C5orf63: variants seen among roughly 807,000 people sequenced by gnomAD.
C5orf63 encodes glutaredoxin-like protein C5orf63.
Under a neutral mutation model 13.3 loss-of-function variants are expected in C5orf63, and 18 were observed. That is an observed-to-expected ratio of 1.36 (90% CI 0.94 to 2.01). C5orf63 has a LOEUF of 2.01. C5orf63 is among the 30% of genes most tolerant of loss of function. The pLI, the probability that C5orf63 is intolerant of heterozygous loss-of-function variation, is 0.00. For synonymous variants in C5orf63, 38 were observed against 44.7 expected (o/e 0.85, Z 0.60); for missense variants, 118 against 127.7 (o/e 0.92, Z 0.36).
At chr5:127,058,710 G>A (rs1580529425) in intron 3 of C5orf63, 172 bp downstream of exon 3, 1 of 573,664 alleles carries the variant, frequency 1.7e-6, no homozygotes, top group East Asian at 2.8e-5. Flanking sequence ...TTGCTAATTG[G>A]GAGATAATAA....
chr5:127,056,252 G>A (rs1162953543), intron 3 of C5orf63: 1 of 152,324 alleles, frequency 6.6e-6, no homozygotes, highest in African/African-American at 2.4e-5. Context: ...GCTTTTGCTG[G>A]AGTTTCTGTA....
Position 127,051,462 on chromosome 5 carries a change from C to A in C5orf63, c.*309G>T, listed in dbSNP as rs1753671915. On this transcript the variant is annotated 3_prime_UTR_variant, in exon 5 of 5. Transcript: ENST00000296662. ...AACCTTCTTCCTATAAATGGCATTG[C>A]CCAGTGACTGTGAAGTGCTTCTCTA... 8.1e-7 allele frequency: 1 copy of A among 1,233,562 alleles called. No homozygotes were observed. Among genetic ancestry groups the A allele is most frequent in the South Asian group, 4.1e-5 (1 of 24,484 alleles). The allele number at this position is 1,233,562 out of a possible 1,614,324, so 76.4% of individuals were successfully genotyped here.
chr5:127,067,944 T>C (rs984447211), intron 2 of C5orf63, among the ~76,000 whole-genome samples: 1 of 152,220 alleles, frequency 6.6e-6, no homozygotes, highest in Non-Finnish European at 1.5e-5. Context: ...ATAAATGGTA[T>C]AGTTCTTCAT....
In C5orf63 at chr5:127,071,700, T is replaced by G. The variant is rs1580537582; in HGVS notation, c.-109-15A>C. 6.6e-6 allele frequency: 1 copy of G among 152,120 alleles called. No homozygotes were observed. Among genetic ancestry groups the G allele is most frequent in the South Asian group, 2.1e-4 (1 of 4,826 alleles). The allele number at this position is 152,120 out of a possible 1,614,324, so 9.4% of individuals were successfully genotyped here. A position where few individuals can be genotyped will look rare whatever the true frequency, so the allele number is the denominator to read the frequency against. On this transcript the variant is annotated splice_polypyrimidine_tract_variant and intron_variant, in intron 1 of 4. Coordinates refer to ENST00000296662, the MANE Select transcript of C5orf63 (RefSeq NM_001164478.2). ...GATGTACAGTCCTTGAATAAAGCAGTAGCAAAAATTAGATTTAAATAAGGA... is the reference window on the plus strand; with the variant it reads ...GATGTACAGTCCTTGAATAAAGCAGGAGCAAAAATTAGATTTAAATAAGGA...
downstream of C5orf63, chr5:127,046,869 G>A (rs1414217877): frequency 6.6e-6 from 1 of 152,370 alleles, no homozygotes; most frequent in East Asian, 1.9e-4. Flanking sequence ...GTGTGTGTAA[G>A]CAGGGGAGCT....
chr5:127,073,213 T>TC (rs1754622531), intron 1 of C5orf63: 1 of 151,466 alleles, frequency 6.6e-6, no homozygotes, highest in Non-Finnish European at 1.5e-5. Context: ...AAAAAAAGCT[T>TC]CCTTTTCCCG....
intron 2 of C5orf63, among the ~76,000 whole-genome samples, chr5:127,065,130 AG>A (rs1429878569): frequency 6.6e-6 from 1 of 152,234 alleles, no homozygotes; most frequent in Admixed American, 6.5e-5. Context: ...TTCAGGAGAA[AG>A]GTGTTGAATT....
rs1444145068 is a variant in C5orf63 at position 127,051,681 on chromosome 5, T to C, written c.*90A>G. 2.1e-6 allele frequency: 3 copies of C among 1,404,868 alleles called. No individual in the cohort carries two copies. The highest frequency in any genetic ancestry group is 2.9e-5 in the African/African-American group (2 of 68,994). 87.0% of individuals were successfully genotyped at this position (1,404,868 alleles called of 1,614,324 possible). On this transcript the variant is annotated 3_prime_UTR_variant, in exon 5 of 5. Transcript: ENST00000296662. ...AATTCAGAACATCCTTAGGGCTCTG[T>C]ACAAGTGACAAAATGAGTATCAGGC...
chr5:127,052,688 C>A lies in C5orf63; in HGVS notation c.115-19G>T, dbSNP rs1753724205. 4.1e-6 allele frequency: 6 copies of A among 1,470,156 alleles called. No individual in the cohort carries two copies. The highest frequency in any genetic ancestry group is 2.8e-5 in the Admixed American group (1 of 35,100). The allele number at this position is 1,470,156 out of a possible 1,614,324, so 91.1% of individuals were successfully genotyped here. Reference sequence around the variant, plus strand: ...ATGGGTCCTACAGGAAGAAAAAAAACCCAAGCGATTAAACCCAAAGAATGG... The same window carrying A: ...ATGGGTCCTACAGGAAGAAAAAAAAACCAAGCGATTAAACCCAAAGAATGG... On this transcript the variant is annotated intron_variant, in intron 3 of 4. Transcript: ENST00000296662.
intron 3 of C5orf63, among the ~76,000 whole-genome samples, chr5:127,057,867 G>C (rs1024808601): frequency 6.6e-6 from 1 of 152,144 alleles, no homozygotes; most frequent in African/African-American, 2.4e-5. Context: ...CCCAGACACA[G>C]TGCTGAAGTG....
chr5:127,051,158 T>C, downstream of C5orf63: 2 of 385,738 alleles, frequency 5.2e-6, no homozygotes, highest in Non-Finnish European at 8.6e-6. Context: ...GATTTTTATA[T>C]ACATTTAAGG....
chr5:127,051,200 G>A, downstream of C5orf63: 1 of 694,366 alleles, frequency 1.4e-6, no homozygotes, highest in Non-Finnish European at 2.0e-6. Flanking sequence ...TTTCTCAAAT[G>A]ATGCCTCTTT....
exon 5 of C5orf63, chr5:127,045,788 T>C (rs1753508891): frequency 2.0e-5 from 3 of 152,258 alleles, no homozygotes; most frequent in Non-Finnish European, 4.4e-5. Flanking sequence ...GATATCTTTA[T>C]TGTCTGTCTC....
rs367608988 is a variant in C5orf63, at chr5:127,060,613, A to G, written c.-7-1611T>C. ...AAACTTTGCTTTACTGTATCTCTGC[A>G]ACTTCATCTATCACTTTCCCCTCCC... On this transcript the variant is annotated intron_variant, in intron 2 of 4. Transcript: ENST00000296662. Among the ~76,000 whole-genome samples the G allele has an allele frequency of 1.1e-4, 17 of 152,348 alleles. No homozygotes were observed. The East Asian group carries it at 3.3e-3, about 29-fold the overall frequency.
chr5:127,049,690 G>C (rs1192874645), downstream of C5orf63, among the ~76,000 whole-genome samples: 1 of 152,218 alleles, frequency 6.6e-6, no homozygotes, highest in African/African-American at 2.4e-5. Flanking sequence ...CTACTGCTAT[G>C]TAACAAATTA....
At chr5:127,065,982 T>C (rs577842307) in intron 2 of C5orf63, among the ~76,000 whole-genome samples, 51 of 152,226 alleles carry the variant, frequency 3.4e-4, no homozygotes, top group Non-Finnish European at 4.7e-4. Context: ...TGGTGATACA[T>C]ACAGGGGAGA....
intron 2 of C5orf63, 34 bp from the exon 3 acceptor site, chr5:127,059,036 T>A: frequency 8.1e-7 from 1 of 1,239,724 alleles, no homozygotes; most frequent in Non-Finnish European, 1.1e-6. Flanking sequence ...TAAACTTATG[T>A]GCCCTAGACT....
intron 3 of C5orf63, among the ~76,000 whole-genome samples, chr5:127,055,521 T>C (rs1409300789): frequency 6.6e-6 from 1 of 152,164 alleles, no homozygotes; most frequent in Non-Finnish European, 1.5e-5. Context: ...AGAGAGGGCT[T>C]TCCTCCAGCT....
At chr5:127,070,197 A>T (rs79563222) in intron 2 of C5orf63, among the ~76,000 whole-genome samples, 1 of 152,170 alleles carries the variant, frequency 6.6e-6, no homozygotes. Flanking sequence ...CATCCATTTC[A>T]TTTTTGAACC....
Sources: gnomAD v4.1 joint callset for allele counts (sites outside exome capture counted in the v4.1 genomes callset) on GRCh38, gnomAD v4.1.1 for gene constraint, MANE v1.5 for transcripts, NCBI Gene and HGNC (gene_info 2026-07-23, HGNC 2026-07-21) for gene names.